HEMK2: variants seen among roughly 807,000 people sequenced by gnomAD.
HEMK2 encodes the protein methyltransferase HEMK2.
the HEMK2 span, among the ~76,000 whole-genome samples, chr21:28,643,856 C>T: frequency 6.6e-6 from 1 of 152,216 alleles, no homozygotes; most frequent in Non-Finnish European, 1.5e-5. Flanking sequence ...GGAAGCTCTG[C>T]TCCATGTAGT....
the HEMK2 span, among the ~76,000 whole-genome samples, chr21:28,647,656 T>C: frequency 1.3e-5 from 2 of 152,100 alleles, no homozygotes; most frequent in Non-Finnish European, 2.9e-5. Flanking sequence ...GCATTGCCTG[T>C]AAGAATTCCC....
At chr21:28,614,270 C>T in the HEMK2 span, among the ~76,000 whole-genome samples, 1 of 152,080 alleles carries the variant, frequency 6.6e-6, no homozygotes, top group Non-Finnish European at 1.5e-5. Flanking sequence ...ATATCCTTTA[C>T]ACTAGACTGA....
chr21:28,684,494 C>A, the HEMK2 span, among the ~76,000 whole-genome samples: 1 of 152,314 alleles, frequency 6.6e-6, no homozygotes, highest in East Asian at 1.9e-4. Flanking sequence ...CAATTGAAAT[C>A]CATTTCCTTC....
At chr21:28,588,023 G>A in the HEMK2 span, among the ~76,000 whole-genome samples, 1 of 152,166 alleles carries the variant, frequency 6.6e-6, no homozygotes, top group East Asian at 1.9e-4. Context: ...ATTAAATGCA[G>A]GGGTGTTCTC....
the HEMK2 span, among the ~76,000 whole-genome samples, chr21:28,853,148 G>C: frequency 2.0e-5 from 3 of 152,146 alleles, no homozygotes; most frequent in African/African-American, 4.8e-5. Context: ...GACCCTCCCA[G>C]CTGGGATGAG....
chr21:28,832,768 A>G, the HEMK2 span, among the ~76,000 whole-genome samples: 1 of 152,202 alleles, frequency 6.6e-6, no homozygotes, highest in Non-Finnish European at 1.5e-5. Flanking sequence ...CATACAGACT[A>G]CTAAGTTAAC....
At chr21:28,832,033 A>G in the HEMK2 span, among the ~76,000 whole-genome samples, 1 of 152,238 alleles carries the variant, frequency 6.6e-6, no homozygotes, top group Non-Finnish European at 1.5e-5. Context: ...CAAGGAATGT[A>G]TATTTATGTA....
At chr21:28,830,710 T>C in the HEMK2 span, among the ~76,000 whole-genome samples, 2 of 152,076 alleles carry the variant, frequency 1.3e-5, no homozygotes, top group Non-Finnish European at 2.9e-5. Context: ...ACACTGTCTC[T>C]ACTAAAAATA....
chr21:28,713,630 T>C, the HEMK2 span, among the ~76,000 whole-genome samples: 2 of 152,168 alleles, frequency 1.3e-5, no homozygotes. Context: ...AGTAGCACTT[T>C]CTCAGGGAAC....
At chr21:28,642,485 C>A in the HEMK2 span, among the ~76,000 whole-genome samples, 1 of 152,182 alleles carries the variant, frequency 6.6e-6, no homozygotes. Flanking sequence ...CGTGTTACTA[C>A]CAATCCTCTT....
the HEMK2 span, among the ~76,000 whole-genome samples, chr21:28,865,761 A>G: frequency 0.035 from 5,338 of 151,962 alleles, 317 homozygotes; most frequent in African/African-American, 0.12. Flanking sequence ...CCTGAATCCC[A>G]TTCTCCTTTC....
chr21:28,764,642 T>C, the HEMK2 span, among the ~76,000 whole-genome samples: 1 of 152,118 alleles, frequency 6.6e-6, no homozygotes, highest in Non-Finnish European at 1.5e-5. Flanking sequence ...GGCATCTGAT[T>C]TCCTATCCAG....
chr21:28,642,409 G>GCTA, the HEMK2 span, among the ~76,000 whole-genome samples: 4 of 152,182 alleles, frequency 2.6e-5, no homozygotes, highest in Non-Finnish European at 5.9e-5. Flanking sequence ...AACAAATGCT[G>GCTA]GAAGCATCCG....
At chr21:28,818,835 G>A in the HEMK2 span, among the ~76,000 whole-genome samples, 5 of 152,204 alleles carry the variant, frequency 3.3e-5, no homozygotes, top group East Asian at 3.9e-4. Context: ...AAATCATGTC[G>A]GATCATTCCT....
chr21:28,723,418 G>A, the HEMK2 span, among the ~76,000 whole-genome samples: 4 of 152,174 alleles, frequency 2.6e-5, no homozygotes, highest in African/African-American at 9.7e-5. Flanking sequence ...ATTAGTAGCA[G>A]GTGTTGCTGA....
chr21:28,738,828 A>G, the HEMK2 span, among the ~76,000 whole-genome samples: 234 of 152,370 alleles, frequency 1.5e-3, 7 homozygotes, highest in South Asian at 0.032. Context: ...ACAGAGGCCA[A>G]CTTCAGCACA....
At chr21:28,644,582 T>G in the HEMK2 span, among the ~76,000 whole-genome samples, 1 of 152,194 alleles carries the variant, frequency 6.6e-6, no homozygotes, top group South Asian at 2.1e-4. Flanking sequence ...TGCTTATGTT[T>G]CTTCACTCTG....
chr21:28,842,802 G>A, the HEMK2 span, among the ~76,000 whole-genome samples: 1 of 152,182 alleles, frequency 6.6e-6, no homozygotes, highest in South Asian at 2.1e-4. Flanking sequence ...TAAGCAACTG[G>A]GAAGATTTCC....
chr21:28,665,539 G>A, the HEMK2 span, among the ~76,000 whole-genome samples: 1 of 151,638 alleles, frequency 6.6e-6, no homozygotes, highest in Non-Finnish European at 1.5e-5. Context: ...CATGGCACAT[G>A]TATACATATG....
Sources: allele counts gnomAD v4.1 joint callset (sites outside exome capture counted in the v4.1 genomes callset), GRCh38; gene constraint gnomAD v4.1.1; transcripts MANE v1.5; gene names NCBI Gene and HGNC (gene_info 2026-07-23, HGNC 2026-07-21).